Variants in CDHR3 observed in about 807,000 individuals in gnomAD.
The protein encoded by CDHR3 is cadherin related family member 3.
In CDHR3, 79 loss-of-function variants were observed where a neutral mutation model predicts 86.6. The ratio of observed to expected loss-of-function variants is 0.91; its 90% CI spans 0.76 to 1.10. The LOEUF (loss-of-function observed/expected upper bound fraction) is 1.10. Ranked by LOEUF, CDHR3 falls within the 50% of genes least tolerant of loss-of-function variation. The pLI, the probability that CDHR3 is intolerant of heterozygous loss-of-function variation, is 0.00. For synonymous variants in CDHR3, 421 were observed against 402.4 expected (o/e 1.05, Z -0.55); for missense variants, 1,081 against 1,077.6 (o/e 1.00, Z -0.04).
intron 1 of CDHR3, among the ~76,000 whole-genome samples, chr7:105,964,986 G>T (rs773276026): frequency 3.9e-5 from 6 of 152,338 alleles, no homozygotes; most frequent in Non-Finnish European, 7.3e-5. Flanking sequence ...ACTGGGGAAA[G>T]AGTGAGGTTA....
chr7:105,977,946 T>C (rs1169139391), intron 2 of CDHR3, among the ~76,000 whole-genome samples: 2 of 152,358 alleles, frequency 1.3e-5, no homozygotes, highest in South Asian at 4.1e-4. Context: ...ACGGGGCATT[T>C]ACCATATGCC....
At chr7:105,978,600 TAA>T (rs1444512282) in intron 2 of CDHR3, among the ~76,000 whole-genome samples, 2 of 152,058 alleles carry the variant, frequency 1.3e-5, no homozygotes, top group Admixed American at 6.5e-5. Flanking sequence ...CTAATCTCCT[TAA>T]ATGTGAAATG....
chr7:105,966,225 C>T (rs1826902415), intron 1 of CDHR3, among the ~76,000 whole-genome samples: 1 of 152,168 alleles, frequency 6.6e-6, no homozygotes, highest in African/African-American at 2.4e-5. Flanking sequence ...ATCCACTGCA[C>T]ATGGAAGCTG....
chr7:105,974,368 G>T (rs2115637610), intron 1 of CDHR3, among the ~76,000 whole-genome samples: 1 of 152,200 alleles, frequency 6.6e-6, no homozygotes, highest in South Asian at 2.1e-4. Flanking sequence ...CCATGATTTT[G>T]GTGTTCTCCA....
chr7:106,022,461 G>T lies in CDHR3; in HGVS notation c.2076+13G>T. The T allele has an allele frequency of 6.2e-7, 1 of 1,610,700 alleles. No individual in the cohort carries two copies. On this transcript the variant is annotated intron_variant, in intron 14 of 18. Coordinates refer to ENST00000317716, the MANE Select transcript of CDHR3 (RefSeq NM_152750.5). ...CACGACCCCCAGGGTAAGGGCTTTA[G>T]GACCTGGAATCCCCAGGCACATTCC...
At chr7:106,026,278 A>G (rs1175787140) in intron 15 of CDHR3, among the ~76,000 whole-genome samples, 1 of 152,210 alleles carries the variant, frequency 6.6e-6, no homozygotes, top group Non-Finnish European at 1.5e-5. Context: ...TGTAACTGCC[A>G]GCTCTCAAAC....
rs944951779 is a variant in CDHR3 at position 106,032,824 on chromosome 7, C to T, written c.*127C>T. 1 of 1,013,860 alleles carries T rather than the reference C, an allele frequency of 9.9e-7. No individual in the cohort carries two copies. Among genetic ancestry groups the T allele is most frequent in the Non-Finnish European group, 1.4e-6 (1 of 711,018 alleles). The allele number at this position is 1,013,860 out of a possible 1,614,324, so 62.8% of individuals were successfully genotyped here. On this transcript the variant is annotated 3_prime_UTR_variant, in exon 19 of 19. Coordinates refer to ENST00000317716, the MANE Select transcript of CDHR3 (RefSeq NM_152750.5). ...GGGGATTCAGACATCCAGGGTCAAACATGGGATGTTTGACAAATTTTTAAA... is the reference window on the plus strand; with the variant it reads ...GGGGATTCAGACATCCAGGGTCAAATATGGGATGTTTGACAAATTTTTAAA...
Position 106,001,512 on chromosome 7 carries a change from T to C in CDHR3, c.764T>C (p.Val255Ala). ...VLEELSPGTIVANITAEDPDD... is the reference protein window; with the variant it reads ...VLEELSPGTIAANITAEDPDD... ...GAGGAACTGAGTCCAGGAACCATCG[T>C]GGCCAATATCACAGCGGAGGATCCT... is the stretch of plus-strand genomic sequence containing the variant. The change falls in exon 7 of 19, where the codon GTG becomes GCG. Residue 255 changes from valine to alanine, a missense_variant. Val to Ala is a moderately conservative substitution (Grantham distance 64, BLOSUM62 0). Transcript: ENST00000317716. The C allele has an allele frequency of 6.2e-7, 1 of 1,614,034 alleles. No individual in the cohort carries two copies. Among genetic ancestry groups the C allele is most frequent in the Non-Finnish European group, 8.5e-7 (1 of 1,179,888 alleles).
At chr7:106,025,185 G>A (rs910351397) in intron 15 of CDHR3, among the ~76,000 whole-genome samples, 27 of 152,164 alleles carry the variant, frequency 1.8e-4, no homozygotes, top group African/African-American at 5.1e-4. Context: ...GTAGAGTGAC[G>A]TGAAGAGAGC....
intron 5 of CDHR3, 67 bp from the exon 6 acceptor site, chr7:105,996,171 ACCCCATGATTTT>A (rs1832174488): frequency 1.3e-6 from 1 of 766,228 alleles, no homozygotes; most frequent in Admixed American, 2.0e-5. Flanking sequence ...CACTCCTCCC[ACCCCATGATTTT>A]CCCCATCCTA....
Position 106,030,786 on chromosome 7 carries a change from C to T in CDHR3, c.2305-6C>T. On this transcript the variant is annotated splice_polypyrimidine_tract_variant and splice_region_variant and intron_variant, in intron 17 of 18. Transcript: ENST00000317716. The surrounding 1 kb of genome is among the most constrained non-coding windows in gnomAD (Gnocchi z 4.8). ...GTGTTTGATGCTGTCTCTGTCTTCT[C>T]CTTAGGAAACTATCCAGATGAACAC... 1 of 1,609,698 alleles carries T rather than the reference C, an allele frequency of 6.2e-7. No individual in the cohort carries two copies. Among genetic ancestry groups the T allele is most frequent in the Non-Finnish European group, 8.5e-7 (1 of 1,178,048 alleles).
intron 11 of CDHR3, 58 bp downstream of exon 11, chr7:106,016,083 T>C: frequency 8.4e-7 from 1 of 1,188,050 alleles, no homozygotes. Context: ...TCCAAACGTG[T>C]GTTCTGTGGA....
rs1462857244 is a variant in CDHR3 at position 106,015,200 on chromosome 7, C to G, written c.1314C>G (p.Pro438=). Residue 438 remains proline, a synonymous_variant, in exon 10 of 19, where the codon CCC becomes CCG. Coordinates refer to ENST00000317716, the MANE Select transcript of CDHR3 (RefSeq NM_152750.5). ...TVIIQVQDVA[P]PYYKNNVYVY... ...TAATCCAGGTGCAGGATGTGGCCCC[C>G]CCTTACTATAAAAGCAAGTATCATT... 6.2e-7 allele frequency: 1 copy of G among 1,608,318 alleles called. No homozygotes were observed. Among genetic ancestry groups the G allele is most frequent in the East Asian group, 2.2e-5 (1 of 44,772 alleles).
intron 3 of CDHR3, among the ~76,000 whole-genome samples, chr7:105,983,539 T>C (rs1052480408): frequency 6.6e-6 from 1 of 152,224 alleles, no homozygotes; most frequent in African/African-American, 2.4e-5. Flanking sequence ...CTTTTCATAT[T>C]GTCCATCATC....
chr7:105,997,693 G>T (rs1329821436), intron 6 of CDHR3, among the ~76,000 whole-genome samples: 1 of 152,158 alleles, frequency 6.6e-6, no homozygotes, highest in Non-Finnish European at 1.5e-5. Flanking sequence ...GGGGAGGAAG[G>T]TTAATGGGGT....
At chr7:105,988,089 A>G (rs1210453273) in intron 4 of CDHR3, among the ~76,000 whole-genome samples, 2 of 152,094 alleles carry the variant, frequency 1.3e-5, no homozygotes, top group African/African-American at 4.8e-5. Context: ...GGGTTTCGCT[A>G]TGTTGCCCAG....
Position 106,018,077 on chromosome 7 carries a change from G to A in CDHR3, c.1653+5G>A, listed in dbSNP as rs779917511. On this transcript the variant is annotated splice_donor_5th_base_variant and intron_variant, in intron 12 of 18. Transcript: ENST00000317716. ...GAAGACACAAGCTCTGTCACTGTGA[G>A]TGGTGCTGCTTGGTATAGTGCCGGT... 2 of 1,612,010 alleles carry A rather than the reference G, an allele frequency of 1.2e-6. No homozygotes were observed. Among genetic ancestry groups the A allele is most frequent in the Non-Finnish European group, 1.7e-6 (2 of 1,178,720 alleles).
At chr7:105,975,961 G>A (rs1406501711) in intron 2 of CDHR3, among the ~76,000 whole-genome samples, 1 of 152,178 alleles carries the variant, frequency 6.6e-6, no homozygotes, top group East Asian at 1.9e-4. Flanking sequence ...GGGCCCTGTA[G>A]CAGACCTGCG....
intron 11 of CDHR3, among the ~76,000 whole-genome samples, chr7:106,017,564 G>GACACAC (rs539661927): frequency 0.03 from 3,905 of 130,594 alleles, 99 homozygotes; most frequent in African/African-American, 0.066. Flanking sequence ...GTCACACACA[G>GACACAC]ACACACACAC....
Sources: allele counts gnomAD v4.1 joint callset (sites outside exome capture counted in the v4.1 genomes callset), GRCh38; gene constraint gnomAD v4.1.1; non-coding constraint Gnocchi (gnomAD v3.1); transcripts MANE v1.5; gene names NCBI Gene and HGNC (gene_info 2026-07-23, HGNC 2026-07-21).